Variants in ZNF737 observed in about 807,000 individuals in gnomAD.
ZNF737 encodes the protein zinc finger protein 737.
ZNF737 carries 13 observed loss-of-function variants against 11.7 expected under a neutral mutation model. The ratio of observed to expected loss-of-function variants is 1.11; its 90% CI spans 0.73 to 1.77. ZNF737 has a LOEUF of 1.77. Ranked by LOEUF, ZNF737 falls within the 40% of genes most tolerant of loss-of-function variation. The pLI is 0.00. For synonymous variants in ZNF737, 217 were observed against 216.2 expected (o/e 1.00, Z -0.03); for missense variants, 636 against 638.0 (o/e 1.00, Z 0.03).
chr19:20,530,382 G>A, the ZNF737 span, among the ~76,000 whole-genome samples: 1 of 147,696 alleles, frequency 6.8e-6, no homozygotes, highest in South Asian at 2.2e-4. Flanking sequence ...CTCCCTCCCG[G>A]ACGGGGCGAC....
chr19:20,551,501 C>T (rs1459659248), intron 3 of ZNF737, among the ~76,000 whole-genome samples: 2 of 150,182 alleles, frequency 1.3e-5, no homozygotes, highest in African/African-American at 2.4e-5. Flanking sequence ...GTAAAAGTTG[C>T]TGTTTGTGGA....
rs1968286906 is a variant in ZNF737 at position 20,543,119 on chromosome 19, AT to A, written c.*1472del. 2 of 955,142 alleles carry A rather than the reference AT, an allele frequency of 2.1e-6. No homozygotes were observed. Among genetic ancestry groups the A allele is most frequent in the Admixed American group, 1.2e-4 (2 of 16,220 alleles). 59.2% of individuals were successfully genotyped at this position (955,142 alleles called of 1,614,324 possible). ...GATATTTATATACAATCTATTTTGA[AT>A]TAAATATTTTTTAATATTTACTGCA... On this transcript the variant is annotated 3_prime_UTR_variant, in exon 4 of 4. Coordinates refer to ENST00000427401, the MANE Select transcript of ZNF737 (RefSeq NM_001159293.2).
chr19:20,530,647 C>T, the ZNF737 span, among the ~76,000 whole-genome samples: 8 of 147,470 alleles, frequency 5.4e-5, 1 homozygote, highest in East Asian at 4.2e-4. Flanking sequence ...GGGGCAGAGG[C>T]GCTCCCCACA....
rs2144600107 is a variant in ZNF737, at chr19:20,542,704, T to C, written c.*1888A>G. On this transcript the variant is annotated 3_prime_UTR_variant, in exon 4 of 4. Coordinates refer to ENST00000427401, the MANE Select transcript of ZNF737 (RefSeq NM_001159293.2). ...ATAGAATTTTACTACAAACAGCTTC[T>C]CCACTTGTATTTTCATTATGCGTCT... The C allele has an allele frequency of 1.0e-6, 1 of 984,446 alleles. No homozygotes were observed. Among genetic ancestry groups the C allele is most frequent in the African/African-American group, 1.7e-5 (1 of 57,330 alleles). The allele number at this position is 984,446 out of a possible 1,614,324, so 61.0% of individuals were successfully genotyped here.
chr19:20,545,749 T>C lies in ZNF737; in HGVS notation c.454A>G (p.Lys152Glu), dbSNP rs1555756864. 1 of 1,613,242 alleles carries C rather than the reference T, an allele frequency of 6.2e-7. No homozygotes were observed. The highest frequency in any genetic ancestry group is 1.7e-5 in the Admixed American group (1 of 59,856). The change falls in exon 4 of 4, where the codon AAA becomes GAA. Residue 152 changes from lysine (K) to glutamate (E), a missense_variant. Physicochemically the swap from Lys to Glu is moderately conservative, Grantham distance 56. Coordinates refer to ENST00000427401, the MANE Select transcript of ZNF737 (RefSeq NM_001159293.2). ...GAATTTGAAAATTTATGAATGACTT[T>C]CACATATTTATCACACTGAAATATT... The part of the protein sequence containing the change: ...SKIFQCDKYV[K>E]VIHKFSNSNR...
Position 20,545,008 on chromosome 19 carries a change from A to T in ZNF737, c.1195T>A (p.Cys399Ser), listed in dbSNP as rs1968382283. 9.9e-6 allele frequency: 16 copies of T among 1,613,538 alleles called. No homozygotes were observed. Among genetic ancestry groups the T allele is most frequent in the Non-Finnish European group, 1.3e-5 (15 of 1,179,940 alleles). ...TTAAAGGCTTCGCCACATTCTTCACATTTGTAGGGTTTCTCTCCAGTATGA... is the reference window on the plus strand; with the variant it reads ...TTAAAGGCTTCGCCACATTCTTCACTTTTGTAGGGTTTCTCTCCAGTATGA... Reference protein sequence around the residue: ...RIHTGEKPYKCEECGEAFKYS... With the variant: ...RIHTGEKPYKSEECGEAFKYS... The change falls in exon 4 of 4, where the codon TGT becomes AGT. Residue 399 changes from cysteine (C) to serine (S), a missense_variant. By Grantham distance (112) the Cys-to-Ser change is moderately radical. Coordinates refer to ENST00000427401, the MANE Select transcript of ZNF737 (RefSeq NM_001159293.2).
In ZNF737 at chr19:20,545,556, A is replaced by C. The variant is rs376730159; in HGVS notation, c.647T>G (p.Leu216Arg). Reference sequence around the variant, plus strand: ...AGTATGAATTCTCTTATGTGTAGTAAGGTGTGAGGACCAGTTGAAGGCTTT... The same window carrying C: ...AGTATGAATTCTCTTATGTGTAGTACGGTGTGAGGACCAGTTGAAGGCTTT... ...CGKAFNWSSH[L>R]TTHKRIHTGE... Residue 216 changes from leucine (L) to arginine (R), a missense_variant, in exon 4 of 4, where the codon CTT (leucine) becomes CGT (arginine). Leu to Arg is a moderately radical substitution (Grantham distance 102, BLOSUM62 -2). Coordinates refer to ENST00000427401, the MANE Select transcript of ZNF737 (RefSeq NM_001159293.2). 1.7e-5 allele frequency: 27 copies of C among 1,613,646 alleles called. 2 individuals are homozygous for C. The highest frequency in any genetic ancestry group is 1.1e-4 in the East Asian group (5 of 44,872).
At chr19:20,558,111 G>A (rs8107760) in intron 1 of ZNF737, among the ~76,000 whole-genome samples, 115,509 of 151,414 alleles carry the variant, frequency 0.76, 44,126 homozygotes, top group East Asian at 0.82. Context: ...AATATACAAA[G>A]ATTAAAAAAA....
At chr19:20,536,577 A>G (rs921812126), downstream of ZNF737, among the ~76,000 whole-genome samples, 1 of 152,106 alleles carries the variant, frequency 6.6e-6, no homozygotes, top group Non-Finnish European at 1.5e-5. Context: ...TGAGAGGCCG[A>G]GGTGGGTAGA....
At chr19:20,555,404 A>C (rs1231831908) in intron 1 of ZNF737, among the ~76,000 whole-genome samples, 1 of 151,520 alleles carries the variant, frequency 6.6e-6, no homozygotes, top group Non-Finnish European at 1.5e-5. Context: ...GGATGGTCTC[A>C]ATCTCCTGAC....
rs527383403 is a variant in ZNF737, at chr19:20,544,099, G to A, written c.*493C>T. 9 of 983,160 alleles carry A rather than the reference G, an allele frequency of 9.2e-6. No homozygotes were observed. In the South Asian group the frequency reaches 3.8e-4, roughly 42 times the overall value. The allele number at this position is 983,160 out of a possible 1,614,324, so 60.9% of individuals were successfully genotyped here. A position where few individuals can be genotyped will look rare whatever the true frequency, so the allele number is the denominator to read the frequency against. ...GCCGAGATCATGGCACTGTACTCCA[G>A]CTTGGATGACAAGCATGAAACTTCA... On this transcript the variant is annotated 3_prime_UTR_variant, in exon 4 of 4. Transcript: ENST00000427401.
chr19:20,534,595 A>G (rs1333598462), downstream of ZNF737, among the ~76,000 whole-genome samples: 2 of 150,136 alleles, frequency 1.3e-5, no homozygotes, highest in African/African-American at 4.9e-5. Flanking sequence ...TTAATTTCCA[A>G]AAAACTTGTA....
downstream of ZNF737, among the ~76,000 whole-genome samples, chr19:20,537,121 A>G (rs1028722306): frequency 6.6e-6 from 1 of 151,874 alleles, no homozygotes; most frequent in Non-Finnish European, 1.5e-5. Context: ...AAAAACAAAA[A>G]CTGATCATGA....
At chr19:20,558,983 T>C (rs1462313466) in intron 1 of ZNF737, among the ~76,000 whole-genome samples, 11 of 152,252 alleles carry the variant, frequency 7.2e-5, no homozygotes, top group Non-Finnish European at 1.3e-4. Context: ...CCTAGCACTA[T>C]GTAGAAGACT....
downstream of ZNF737, among the ~76,000 whole-genome samples, chr19:20,535,503 A>C (rs1354397732): frequency 5.3e-5 from 8 of 150,866 alleles, no homozygotes; most frequent in Middle Eastern, 6.8e-3. Context: ...AAAATAAGTC[A>C]GCACAGAAAA....
chr19:20,535,062 T>C (rs1351308976), downstream of ZNF737, among the ~76,000 whole-genome samples: 2 of 149,674 alleles, frequency 1.3e-5, no homozygotes, highest in African/African-American at 4.9e-5. Context: ...AAGAAAGAAA[T>C]ATACAAACAA....
intron 1 of ZNF737, 144 bp downstream of exon 1, chr19:20,565,489 AACGGG>A (rs1969263241): frequency 7.2e-7 from 1 of 1,393,786 alleles, no homozygotes; most frequent in Non-Finnish European, 1.0e-6. Flanking sequence ...ATTATGGCTG[AACGGG>A]ACTGAGGCCG....
At chr19:20,557,754 C>G (rs1233360666) in intron 1 of ZNF737, among the ~76,000 whole-genome samples, 20 of 151,726 alleles carry the variant, frequency 1.3e-4, no homozygotes, top group African/African-American at 4.6e-4. Context: ...GTAGCTGGAA[C>G]TACAGGTGCA....
At chr19:20,551,743 A>C (rs1305131471) in intron 3 of ZNF737, among the ~76,000 whole-genome samples, 2 of 151,940 alleles carry the variant, frequency 1.3e-5, no homozygotes, top group Non-Finnish European at 2.9e-5. Flanking sequence ...GAAAATGTTT[A>C]CAATAAAAAA....
Sources: gnomAD v4.1 joint callset for allele counts (sites outside exome capture counted in the v4.1 genomes callset) on GRCh38, gnomAD v4.1.1 for gene constraint, MANE v1.5 for transcripts, NCBI Gene and HGNC (gene_info 2026-07-23, HGNC 2026-07-21) for gene names.